TES: variants seen among roughly 807,000 people sequenced by gnomAD.
TES encodes the protein testin.
A neutral mutation model predicts 48.2 loss-of-function variants in TES; 41 were observed. The observed-to-expected ratio is 0.85, with a 90% confidence interval of 0.66 to 1.10. The LOEUF (loss-of-function observed/expected upper bound fraction) is 1.10, where lower values mean the gene tolerates loss of function less well. Ranked by LOEUF, TES falls within the 50% of genes least tolerant of loss-of-function variation. The pLI is 0.00. For synonymous variants in TES, 162 were observed against 174.9 expected (o/e 0.93, Z 0.58); for missense variants, 463 against 515.1 (o/e 0.90, Z 0.98).
intron 1 of TES, among the ~76,000 whole-genome samples, chr7:116,221,761 C>A (rs899196401): frequency 6.6e-6 from 1 of 152,158 alleles, no homozygotes; most frequent in Non-Finnish European, 1.5e-5. Context: ...ACTTTCTGCT[C>A]TAGACGAATC....
chr7:116,214,535 A>G (rs1799472824), intron 1 of TES, among the ~76,000 whole-genome samples: 1 of 152,212 alleles, frequency 6.6e-6, no homozygotes, highest in Non-Finnish European at 1.5e-5. Flanking sequence ...GAACAAGTGC[A>G]GAAGAAAATG....
intron 1 of TES, chr7:116,223,149 G>A (rs1563006061): frequency 3.8e-6 from 1 of 264,530 alleles, no homozygotes. Context: ...TTCATCAGTC[G>A]CTTACCTGAA....
intron 1 of TES, 99 bp downstream of exon 1, chr7:116,210,833 C>T (rs1463125721): frequency 1.5e-5 from 16 of 1,091,796 alleles, no homozygotes; most frequent in Middle Eastern, 3.4e-4. Flanking sequence ...CTCGCGGGCC[C>T]CCCGGTGTGA....
In TES at chr7:116,227,779, T is replaced by C. The variant is rs559485878; in HGVS notation, c.28-6755T>C. On this transcript the variant is annotated intron_variant, in intron 1 of 6. Coordinates refer to ENST00000358204, the MANE Select transcript of TES (RefSeq NM_015641.4). ...AGAAAGCGGGAGTGGGAGAGAGAGA[T>C]GTATATTTCATATGATCTACCTTCA... 2.0e-5 allele frequency among the ~76,000 whole-genome samples: 3 copies of C among 152,216 alleles called. No homozygotes were observed. The South Asian group carries it at 6.2e-4, about 32-fold the overall frequency.
chr7:116,257,406 G>T lies in TES; in HGVS notation c.1190G>T (p.Cys397Phe), dbSNP rs1387106368. The T allele has an allele frequency of 1.2e-6, 2 of 1,613,948 alleles. No homozygotes were observed. Among genetic ancestry groups the T allele is most frequent in the South Asian group, 1.1e-5 (1 of 91,080 alleles). The change falls in exon 7 of 7, where the codon TGC becomes TTC. Residue 397 changes from cysteine to phenylalanine, a missense_variant. Coordinates refer to ENST00000358204, the MANE Select transcript of TES (RefSeq NM_015641.4). The part of the protein sequence containing the change: ...ECFLCSCCSK[C>F]LIGQKFMPVE... ...TTTCTGTGCTCTTGCTGCAGCAAAT[G>T]CCTCATTGGGCAGAAGTTCATGCCA...
At chr7:116,222,950 T>A in intron 1 of TES, 1 of 984,490 alleles carries the variant, frequency 1.0e-6, no homozygotes, top group Non-Finnish European at 1.2e-6. Context: ...TTTATAGCCC[T>A]ACATTGTCTT....
At chr7:116,236,665 C>T (rs10249593) in intron 2 of TES, among the ~76,000 whole-genome samples, 17,917 of 152,210 alleles carry the variant, frequency 0.12, 1,097 homozygotes, top group Non-Finnish European at 0.13. Flanking sequence ...TTTTAAAGCT[C>T]ATTCCTAAGA....
intron 1 of TES, among the ~76,000 whole-genome samples, chr7:116,224,197 C>T (rs890393557): frequency 2.6e-5 from 4 of 152,170 alleles, no homozygotes; most frequent in Admixed American, 6.5e-5. Context: ...CAGCTGACCC[C>T]GATTGCAAAC....
At chr7:116,229,140 C>T (rs1799665067) in intron 1 of TES, among the ~76,000 whole-genome samples, 1 of 151,576 alleles carries the variant, frequency 6.6e-6, no homozygotes, top group Admixed American at 6.6e-5. Context: ...TTCTAAACAG[C>T]TAGTTCGCCT....
intron 1 of TES, chr7:116,211,512 G>C (rs1799439018): frequency 6.6e-6 from 1 of 152,248 alleles, no homozygotes; most frequent in Non-Finnish European, 1.5e-5. Context: ...GGTGTCGCCT[G>C]GGAGAAAAGG....
chr7:116,231,534 G>A (rs1013052824), intron 1 of TES, among the ~76,000 whole-genome samples: 2 of 152,136 alleles, frequency 1.3e-5, no homozygotes, highest in Non-Finnish European at 2.9e-5. Context: ...CTTCAGTCTG[G>A]AAAGACAGGA....
chr7:116,213,449 A>C (rs2402056), intron 1 of TES, among the ~76,000 whole-genome samples: 86,461 of 152,062 alleles, frequency 0.57, 25,039 homozygotes, highest in East Asian at 0.86. Flanking sequence ...GATGAAAAGC[A>C]TCATTGTTCC....
chr7:116,228,008 G>GTTTTT (rs77777605), intron 1 of TES, among the ~76,000 whole-genome samples: 1 of 122,964 alleles, frequency 8.1e-6, no homozygotes, highest in African/African-American at 3.1e-5. Context: ...TCTTTTTTTT[G>GTTTTT]TTTTTTTTTT....
At chr7:116,232,323 G>A (rs555636435) in intron 1 of TES, among the ~76,000 whole-genome samples, 1 of 152,156 alleles carries the variant, frequency 6.6e-6, no homozygotes, top group Admixed American at 6.5e-5. Context: ...CAAGTTCTTT[G>A]TCATGAGGTA....
rs1401661467 is a variant in TES, at chr7:116,250,130, C to G, written c.367-31C>G. The G allele has an allele frequency of 2.7e-6, 4 of 1,483,862 alleles. No individual in the cohort carries two copies. In the East Asian group the frequency reaches 7.2e-5, roughly 27 times the overall value. The allele number at this position is 1,483,862 out of a possible 1,614,324, so 91.9% of individuals were successfully genotyped here. A position where few individuals can be genotyped will look rare whatever the true frequency, so the allele number is the denominator to read the frequency against. On this transcript the variant is annotated intron_variant, in intron 3 of 6. Transcript: ENST00000358204. ...AACATCACACTGCCTAATGGCCAAT[C>G]CCAGTTAACATTGGCCTCCTTGTGG...
At chr7:116,234,491 T>G (rs772665247) in intron 1 of TES, 43 bp from the exon 2 acceptor site, 1 of 1,536,742 alleles carries the variant, frequency 6.5e-7, no homozygotes, top group African/African-American at 1.4e-5. Context: ...TTTAGATTTG[T>G]AAAGAATCTA....
chr7:116,220,242 A>G (rs929046546), intron 1 of TES, among the ~76,000 whole-genome samples: 3 of 152,206 alleles, frequency 2.0e-5, no homozygotes, highest in African/African-American at 7.2e-5. Flanking sequence ...GAGGCAAGAC[A>G]GATTTCAGTG....
intron 1 of TES, among the ~76,000 whole-genome samples, chr7:116,228,098 G>A (rs760890016): frequency 3.4e-5 from 5 of 148,176 alleles, no homozygotes; most frequent in African/African-American, 7.5e-5. Context: ...CAACCTATTC[G>A]ACTGCTGAAA....
chr7:116,247,485 C>G (rs553244041), intron 2 of TES, among the ~76,000 whole-genome samples: 2 of 150,718 alleles, frequency 1.3e-5, no homozygotes, highest in Admixed American at 6.6e-5. Context: ...CAGACATGTC[C>G]CTTTAAGTGT....
Sources: allele counts gnomAD v4.1 joint callset (sites outside exome capture counted in the v4.1 genomes callset), GRCh38; gene constraint gnomAD v4.1.1; transcripts MANE v1.5; gene names NCBI Gene and HGNC (gene_info 2026-07-23, HGNC 2026-07-21).